Variants in DRD3 observed in about 807,000 individuals in gnomAD.
The protein encoded by DRD3 is D(3) dopamine receptor.
A neutral mutation model predicts 36.3 loss-of-function variants in DRD3; 19 were observed. The observed-to-expected ratio is 0.52, with a 90% CI of 0.36 to 0.77. DRD3 has a LOEUF of 0.77. Among genes scored for constraint, DRD3 ranks in the 30% least tolerant of loss-of-function variants. The probability of loss-of-function intolerance (pLI) is 0.00; values close to 1 mark genes in which losing one functional copy is unlikely to be tolerated. For synonymous variants in DRD3, 195 were observed against 203.7 expected, an observed-to-expected ratio of 0.96 and a Z score of 0.36; for missense variants, 465 against 505.3, an observed-to-expected ratio of 0.92 and a Z score of 0.77.
intron 5 of DRD3, among the ~76,000 whole-genome samples, chr3:114,137,580 C>G (rs1253755263): frequency 6.6e-6 from 1 of 152,146 alleles, no homozygotes; most frequent in Admixed American, 6.5e-5. Context: ...AGGCTGGGCA[C>G]TTATGCCTGT....
At chr3:114,187,365 A>G (rs1412968086) in intron 1 of DRD3, among the ~76,000 whole-genome samples, 5 of 152,208 alleles carry the variant, frequency 3.3e-5, no homozygotes, top group Admixed American at 3.3e-4. Flanking sequence ...TTTTCAAGAT[A>G]CTCAGCATGT....
In DRD3 at chr3:114,169,101, A is replaced by AT. The variant is rs1163297729; in HGVS notation, c.270+2621dup. On this transcript the variant is annotated intron_variant, in intron 2 of 6. Coordinates refer to ENST00000383673, the MANE Select transcript of DRD3 (RefSeq NM_000796.6). ...GAGTAGCTACTCAAACTGTACTATC[A>AT]TTAGGACAAGTTAGTGAGAATAATA... Among the ~76,000 whole-genome samples, 21 of 152,032 alleles carry AT rather than the reference A, an allele frequency of 1.4e-4. No individual in the cohort carries two copies. In the East Asian group the frequency reaches 3.9e-3, roughly 28 times the overall value.
intron 4 of DRD3, among the ~76,000 whole-genome samples, chr3:114,144,569 A>C (rs1440217376): frequency 1.3e-5 from 2 of 152,216 alleles, no homozygotes; most frequent in Non-Finnish European, 2.9e-5. Context: ...TTCACTTACT[A>C]AATCCCCTAA....
Position 114,169,010 on chromosome 3 carries a change from C to T in DRD3, c.270+2713G>A, listed in dbSNP as rs1224742120. 5.9e-5 allele frequency among the ~76,000 whole-genome samples: 9 copies of T among 151,832 alleles called. No homozygotes were observed. In the East Asian group the frequency reaches 1.8e-3, roughly 30 times the overall value. On this transcript the variant is annotated intron_variant, in intron 2 of 6. Transcript: ENST00000383673. ...GGGGCCCTCAAGCCTACAGCAGTCTCGGTGGTCAACATTGCACCCTTTTCT... is the reference window on the plus strand; with the variant it reads ...GGGGCCCTCAAGCCTACAGCAGTCTTGGTGGTCAACATTGCACCCTTTTCT...
chr3:114,183,247 TG>T (rs536738781), upstream of DRD3, among the ~76,000 whole-genome samples: 19 of 152,354 alleles, frequency 1.2e-4, no homozygotes, highest in South Asian at 3.7e-3. Flanking sequence ...AGTTTTACTC[TG>T]TTATTGATTT....
At chr3:114,179,270 C>G (rs2077932187), upstream of DRD3, among the ~76,000 whole-genome samples, 1 of 152,064 alleles carries the variant, frequency 6.6e-6, no homozygotes, top group South Asian at 2.1e-4. Flanking sequence ...TAATGGAAAT[C>G]AGTACAATTT....
chr3:114,197,158 G>A (rs1243264375), intron 1 of DRD3, among the ~76,000 whole-genome samples: 1 of 149,572 alleles, frequency 6.7e-6, no homozygotes, highest in Non-Finnish European at 1.5e-5. Context: ...TGTTGTCCAG[G>A]TGGAGTGCAG....
intron 2 of DRD3, among the ~76,000 whole-genome samples, chr3:114,160,752 A>G (rs935611260): frequency 5.9e-5 from 9 of 152,222 alleles, no homozygotes; most frequent in African/African-American, 1.9e-4. Flanking sequence ...GAATCTATGT[A>G]AAATAAGTCT....
chr3:114,155,459 G>GA (rs976230269), intron 3 of DRD3, among the ~76,000 whole-genome samples: 1 of 152,178 alleles, frequency 6.6e-6, no homozygotes, highest in African/African-American at 2.4e-5. Flanking sequence ...ATATGGGACA[G>GA]AAGCCAATTC....
At chr3:114,129,332 T>G (rs7621945) in intron 6 of DRD3, among the ~76,000 whole-genome samples, 147,840 of 152,118 alleles carry the variant, frequency 0.97, 71,998 homozygotes, top group Middle Eastern at 1. Flanking sequence ...GACAGAGTAA[T>G]ACTCCATCTC....
At chr3:114,140,298 G>A (rs2077513560) in intron 4 of DRD3, among the ~76,000 whole-genome samples, 1 of 152,126 alleles carries the variant, frequency 6.6e-6, no homozygotes, top group Non-Finnish European at 1.5e-5. Flanking sequence ...AGGTGGGATG[G>A]GAAAAAGGCA....
chr3:114,142,063 A>C (rs996758730), intron 4 of DRD3, among the ~76,000 whole-genome samples: 2 of 151,258 alleles, frequency 1.3e-5, no homozygotes, highest in South Asian at 4.2e-4. Flanking sequence ...AAAAAAAAAA[A>C]AAAAAAAAAG....
chr3:114,168,187 A>T (rs981264429), intron 2 of DRD3, among the ~76,000 whole-genome samples: 2 of 152,238 alleles, frequency 1.3e-5, no homozygotes, highest in African/African-American at 4.8e-5. Flanking sequence ...GGTTATCAAA[A>T]TACTCTATCA....
At chr3:114,142,047 CAAAAAAAAAAAA>C (rs771946847) in intron 4 of DRD3, among the ~76,000 whole-genome samples, 4 of 64,724 alleles carry the variant, frequency 6.2e-5, no homozygotes, top group African/African-American at 1.9e-4. Context: ...GACTCTCTCT[CAAAAAAAAAAAA>C]AAAAAAAAAA....
At chr3:114,166,195 A>G (rs1226183673) in intron 2 of DRD3, among the ~76,000 whole-genome samples, 1 of 152,044 alleles carries the variant, frequency 6.6e-6, no homozygotes, top group African/African-American at 2.4e-5. Context: ...CGTGTTGGCC[A>G]GGCTGGTCTC....
At chr3:114,174,042 G>A (rs1364104202) in intron 1 of DRD3, among the ~76,000 whole-genome samples, 11 of 152,118 alleles carry the variant, frequency 7.2e-5, no homozygotes. Flanking sequence ...AATGAATTTA[G>A]AGAATTGTTT....
intron 3 of DRD3, among the ~76,000 whole-genome samples, chr3:114,156,953 C>A (rs529067002): frequency 5.7e-4 from 78 of 137,002 alleles, no homozygotes; most frequent in Non-Finnish European, 1.1e-3. Flanking sequence ...TTCTTCCTTT[C>A]TTCTTTCCTT....
At chr3:114,174,554 C>T (rs1417374202) in intron 1 of DRD3, among the ~76,000 whole-genome samples, 11 of 152,172 alleles carry the variant, frequency 7.2e-5, no homozygotes, top group Non-Finnish European at 1.6e-4. Flanking sequence ...ATCACAGTTG[C>T]ATGGATTTCT....
At chr3:114,152,586 T>A (rs2077627531) in intron 3 of DRD3, among the ~76,000 whole-genome samples, 1 of 152,230 alleles carries the variant, frequency 6.6e-6, no homozygotes, top group Admixed American at 6.5e-5. Flanking sequence ...ACAGGGAGGC[T>A]GTACCGGAAT....
Sources: allele counts gnomAD v4.1 joint callset (sites outside exome capture counted in the v4.1 genomes callset), GRCh38; gene constraint gnomAD v4.1.1; transcripts MANE v1.5; gene names NCBI Gene and HGNC (gene_info 2026-07-23, HGNC 2026-07-21).